RANBP2: variants seen among roughly 807,000 people sequenced by gnomAD.
The protein encoded by RANBP2 is E3 SUMO-protein ligase RanBP2.
RANBP2 carries 57 observed loss-of-function variants against 303.6 expected under a neutral mutation model. The observed-to-expected ratio is 0.19, with a 90% CI of 0.15 to 0.23. RANBP2 has a LOEUF of 0.23. Among genes scored for constraint, RANBP2 ranks in the 10% least tolerant of loss-of-function variants. The pLI is 1.00. For missense variants in RANBP2, 3,138 were observed against 3,780.8 expected, an observed-to-expected ratio of 0.83 and a Z score of 4.46; for synonymous variants, 1,167 against 1,301.5, an observed-to-expected ratio of 0.90 and a Z score of 2.23.
chr2:109,538,476 C>G, the RANBP2 span, among the ~76,000 whole-genome samples: 2 of 152,172 alleles, frequency 1.3e-5, no homozygotes, highest in Admixed American at 1.3e-4. Flanking sequence ...TCAAAGGATT[C>G]ACAAATAAAG....
At chr2:109,243,843 G>A in the RANBP2 span, among the ~76,000 whole-genome samples, 11 of 152,182 alleles carry the variant, frequency 7.2e-5, no homozygotes, top group Non-Finnish European at 1.6e-4. Flanking sequence ...AGGACAATAC[G>A]TGATCTGGTT....
the RANBP2 span, among the ~76,000 whole-genome samples, chr2:109,087,045 G>T: frequency 6.6e-6 from 1 of 152,294 alleles, no homozygotes; most frequent in Admixed American, 6.5e-5. Context: ...AGGATTTTTA[G>T]GTAGCAAGTT....
At chr2:109,586,375 A>G in the RANBP2 span, among the ~76,000 whole-genome samples, 1 of 152,192 alleles carries the variant, frequency 6.6e-6, no homozygotes, top group South Asian at 2.1e-4. Flanking sequence ...TGAGGGAAGG[A>G]AACTTATCAG....
At chr2:109,502,252 G>A in the RANBP2 span, 1 of 152,160 alleles carries the variant, frequency 6.6e-6, no homozygotes, top group Non-Finnish European at 1.5e-5. Flanking sequence ...AGAATCTGTG[G>A]GCTTGTCGCC....
chr2:109,016,146 A>C, the RANBP2 span, among the ~76,000 whole-genome samples: 1 of 152,018 alleles, frequency 6.6e-6, no homozygotes, highest in Admixed American at 6.6e-5. Context: ...CAGTGGCGTG[A>C]TCTTGGCTTA....
the RANBP2 span, among the ~76,000 whole-genome samples, chr2:109,364,477 C>A: frequency 5.9e-5 from 9 of 152,216 alleles, no homozygotes; most frequent in African/African-American, 1.7e-4. Flanking sequence ...CAATCTGGTT[C>A]TGATGCTTGC....
the RANBP2 span, among the ~76,000 whole-genome samples, chr2:109,686,656 G>A: frequency 3.9e-5 from 6 of 152,002 alleles, no homozygotes; most frequent in African/African-American, 7.2e-5. Context: ...CTATTATCCA[G>A]GTCGGACTGC....
chr2:109,577,861 C>T, the RANBP2 span, among the ~76,000 whole-genome samples: 11 of 142,868 alleles, frequency 7.7e-5, no homozygotes, highest in Admixed American at 6.6e-4. Context: ...TACAGTGAGC[C>T]GAGATTGCAC....
chr2:108,760,968 G>A (rs1676691750), intron 18 of RANBP2, among the ~76,000 whole-genome samples: 1 of 151,520 alleles, frequency 6.6e-6, no homozygotes, highest in South Asian at 2.1e-4. Context: ...TGTTCCTTGA[G>A]GCCTATTAAC....
At chr2:108,774,163 C>T (rs1677709171) in intron 23 of RANBP2, among the ~76,000 whole-genome samples, 1 of 152,166 alleles carries the variant, frequency 6.6e-6, no homozygotes, top group African/African-American at 2.4e-5. Flanking sequence ...ACTTTGCATT[C>T]CAGCGTAAAC....
the RANBP2 span, among the ~76,000 whole-genome samples, chr2:109,182,719 G>A: frequency 3.9e-5 from 6 of 151,938 alleles, no homozygotes; most frequent in Admixed American, 2.0e-4. Flanking sequence ...CTACTGCAGT[G>A]GTCTACATAT....
the RANBP2 span, among the ~76,000 whole-genome samples, chr2:109,384,839 C>T: frequency 6.6e-6 from 1 of 152,202 alleles, no homozygotes; most frequent in Non-Finnish European, 1.5e-5. Context: ...GTAACTCCAA[C>T]CCGATGGTTC....
At chr2:108,934,077 C>T in the RANBP2 span, among the ~76,000 whole-genome samples, 1 of 152,260 alleles carries the variant, frequency 6.6e-6, no homozygotes, top group Non-Finnish European at 1.5e-5. Flanking sequence ...GCCTGCCGCA[C>T]CTTAGTGTCA....
the RANBP2 span, among the ~76,000 whole-genome samples, chr2:109,493,029 TACAA>T: frequency 2.7e-4 from 24 of 87,838 alleles, no homozygotes; most frequent in Admixed American, 2.8e-3. Flanking sequence ...ACATACACCA[TACAA>T]ACACATACCC....
the RANBP2 span, among the ~76,000 whole-genome samples, chr2:109,523,510 G>T: frequency 1.3e-5 from 2 of 152,298 alleles, no homozygotes; most frequent in South Asian, 2.1e-4. Flanking sequence ...TGATACACAC[G>T]CTGTTCCATT....
the RANBP2 span, among the ~76,000 whole-genome samples, chr2:109,369,390 G>A: frequency 1.3e-5 from 2 of 152,188 alleles, no homozygotes; most frequent in South Asian, 2.1e-4. Context: ...CACACTCAAC[G>A]CTGAGCGTTG....
chr2:108,827,132 A>C, the RANBP2 span, among the ~76,000 whole-genome samples: 1 of 152,218 alleles, frequency 6.6e-6, no homozygotes, highest in African/African-American at 2.4e-5. Context: ...ATTATTCTAA[A>C]GCAAAATGAT....
the RANBP2 span, among the ~76,000 whole-genome samples, chr2:109,203,480 C>T: frequency 1.3e-5 from 2 of 152,138 alleles, no homozygotes; most frequent in South Asian, 4.1e-4. Context: ...CTTCTTAGTT[C>T]CTAAGTCCCA....
At chr2:109,400,036 G>A in the RANBP2 span, among the ~76,000 whole-genome samples, 1 of 152,206 alleles carries the variant, frequency 6.6e-6, no homozygotes, top group East Asian at 1.9e-4. Context: ...TGATCTGCGG[G>A]GAATCATGGG....
Sources: allele counts gnomAD v4.1 joint callset (sites outside exome capture counted in the v4.1 genomes callset), GRCh38; gene constraint gnomAD v4.1.1; transcripts MANE v1.5; gene names NCBI Gene and HGNC (gene_info 2026-07-23, HGNC 2026-07-21).